DNMT1: variants seen among roughly 807,000 people sequenced by gnomAD.
DNMT1 encodes the protein DNA methyltransferase 1.
DNMT1 carries 24 observed loss-of-function variants against 205.3 expected under a neutral mutation model. The ratio of observed to expected loss-of-function variants is 0.12; its 90% CI spans 0.08 to 0.16. The LOEUF (loss-of-function observed/expected upper bound fraction) is 0.16, where lower values mean the gene tolerates loss of function less well. Ranked by LOEUF, DNMT1 falls within the 10% of genes least tolerant of loss-of-function variation. DNMT1 has a pLI of 1.00. For missense variants in DNMT1, 1,293 were observed against 2,177.7 expected (o/e 0.59, Z 8.09); for synonymous variants, 817 against 839.8 (o/e 0.97, Z 0.47).
At chr19:10,189,442 CAG>C (rs1447927578) in intron 1 of DNMT1, among the ~76,000 whole-genome samples, 13 of 142,690 alleles carry the variant, frequency 9.1e-5, no homozygotes, top group Admixed American at 4.3e-4. Context: ...TTTTTTGAGA[CAG>C]AGTCTCACTC....
intron 9 of DNMT1, among the ~76,000 whole-genome samples, chr19:10,172,596 G>C (rs2038845359): frequency 6.6e-6 from 1 of 152,000 alleles, no homozygotes; most frequent in Non-Finnish European, 1.5e-5. Flanking sequence ...GGCTGAGGCA[G>C]GTGGATCACT....
At chr19:10,165,045 C>T (rs1483186726) in intron 11 of DNMT1, among the ~76,000 whole-genome samples, 1 of 146,994 alleles carries the variant, frequency 6.8e-6, no homozygotes. Context: ...GTGGATAACT[C>T]GAGTCTAGGA....
At position 10,156,057 on chromosome 19, in the gene DNMT1, A is replaced by T; in HGVS notation, c.1400-112T>A. ...CCATCAGCCAGGTCGGGTGCTCCTC[A>T]GTCATCACAATGACTTGGCCTACAG... On this transcript the variant is annotated intron_variant, in intron 18 of 40. Transcript: ENST00000359526. This position sits in a 1 kb window ranked among gnomAD's most constrained non-coding sequence, Gnocchi z 4.2. 9.1e-7 allele frequency: 1 copy of T among 1,100,836 alleles called. No individual in the cohort carries two copies. Among genetic ancestry groups the T allele is most frequent in the Admixed American group, 2.0e-5 (1 of 49,522 alleles). 68.2% of individuals were successfully genotyped at this position (1,100,836 alleles called of 1,614,324 possible).
intron 10 of DNMT1, among the ~76,000 whole-genome samples, chr19:10,167,355 C>CCAGCTA (rs1312498151): frequency 1.3e-5 from 2 of 151,990 alleles, no homozygotes; most frequent in Non-Finnish European, 2.9e-5. Flanking sequence ...ACCACCACAC[C>CCAGCTA]CAGCTAATTT....
chr19:10,181,974 C>A (rs904042665), intron 2 of DNMT1, 67 bp downstream of exon 2: 1 of 1,427,524 alleles, frequency 7.0e-7, no homozygotes, highest in Non-Finnish European at 9.8e-7. Context: ...AAACAAATTT[C>A]TTTTTATGAG....
chr19:10,162,553 C>T (rs1381303102), intron 13 of DNMT1, 114 bp downstream of exon 13: 14 of 1,100,780 alleles, frequency 1.3e-5, no homozygotes, highest in East Asian at 2.6e-5. Flanking sequence ...TACAGGCGTG[C>T]GCCACCACGC....
At chr19:10,162,964 C>CA in intron 12 of DNMT1, 1 of 352,828 alleles carries the variant, frequency 2.8e-6, no homozygotes, top group East Asian at 5.4e-5. Flanking sequence ...CTAGAACAGG[C>CA]TTTTTTTTTT....
chr19:10,139,459 G>A (rs1388889013), intron 34 of DNMT1, among the ~76,000 whole-genome samples: 2 of 152,250 alleles, frequency 1.3e-5, no homozygotes, highest in African/African-American at 2.4e-5. Flanking sequence ...GCATGTTCGA[G>A]AACACAGCTC....
chr19:10,147,467 C>T (rs1422072406), intron 27 of DNMT1, among the ~76,000 whole-genome samples: 12 of 151,738 alleles, frequency 7.9e-5, no homozygotes, highest in Non-Finnish European at 1.2e-4. Flanking sequence ...AAAAATTAGC[C>T]GGGCATGGTG....
chr19:10,155,984 C>T, intron 18 of DNMT1, 39 bp from the exon 19 acceptor site: 1 of 1,598,064 alleles, frequency 6.3e-7, no homozygotes, highest in Non-Finnish European at 8.5e-7. Context: ...GGCTCTGACT[C>T]ACATCCCAAA....
rs552215824 is a variant in DNMT1 at position 10,139,898 on chromosome 19, C to T, written c.3807-81G>A. The T allele has an allele frequency of 1.3e-5, 21 of 1,563,870 alleles. No individual in the cohort carries two copies. The Admixed American group carries it at 1.9e-4, about 14-fold the overall frequency. ...GACCCACTGTGCCGGAAGCCCCTCA[C>T]GAATGTTATCAAAGTCTCTCCCTGG... On this transcript the variant is annotated intron_variant, in intron 33 of 40. Coordinates refer to ENST00000359526, the MANE Select transcript of DNMT1 (RefSeq NM_001130823.3).
intron 1 of DNMT1, among the ~76,000 whole-genome samples, chr19:10,194,378 C>T (rs954315524): frequency 6.6e-6 from 1 of 151,600 alleles, no homozygotes; most frequent in African/African-American, 2.4e-5. Context: ...CACAGAAGCG[C>T]CCCCGGGGAC....
chr19:10,138,610 G>T lies in DNMT1; in HGVS notation c.3949-5C>A, dbSNP rs773047717. The T allele has an allele frequency of 1.4e-5, 22 of 1,601,082 alleles. No homozygotes were observed. The highest frequency in any genetic ancestry group is 6.6e-5 in the South Asian group (6 of 90,980). On this transcript the variant is annotated splice_polypyrimidine_tract_variant and splice_region_variant and intron_variant, in intron 34 of 40. Coordinates refer to ENST00000359526, the MANE Select transcript of DNMT1 (RefSeq NM_001130823.3). The surrounding 1 kb of genome is among the most constrained non-coding windows in gnomAD (Gnocchi z 4.1). ...GGCCACGCCGTACTGACCGGCCTGTGGGGGAGAAGGACGGACAACCCCACC... is the reference window on the plus strand; with the variant it reads ...GGCCACGCCGTACTGACCGGCCTGTTGGGGAGAAGGACGGACAACCCCACC...
At chr19:10,136,006 G>A in intron 38 of DNMT1, 115 bp downstream of exon 38, 2 of 1,527,138 alleles carry the variant, frequency 1.3e-6, no homozygotes, top group South Asian at 2.4e-5. Flanking sequence ...GCAGAGGCCA[G>A]GTGCCTGGGG....
At chr19:10,186,285 C>G (rs997856885) in intron 1 of DNMT1, among the ~76,000 whole-genome samples, 3 of 152,192 alleles carry the variant, frequency 2.0e-5, no homozygotes, top group African/African-American at 7.2e-5. Context: ...CTGGATTTAA[C>G]CTGCCTGGCC....
Position 10,136,105 on chromosome 19 carries a change from C to G in DNMT1, c.4656+16G>C. On this transcript the variant is annotated intron_variant, in intron 38 of 40. Transcript: ENST00000359526. ...AGGGCCTGACCCAGGCCCTCGGATG[C>G]CCCCTCCCCACCTACCTGCTTGCCC... is the stretch of plus-strand genomic sequence containing the variant. The G allele has an allele frequency of 6.2e-7, 1 of 1,613,824 alleles. No homozygotes were observed.
At chr19:10,148,140 TA>T (rs1423118036) in intron 27 of DNMT1, among the ~76,000 whole-genome samples, 2 of 104,378 alleles carry the variant, frequency 1.9e-5, no homozygotes, top group Non-Finnish European at 4.0e-5. Flanking sequence ...AAAAAAAAAT[TA>T]AAAAAATAAT....
chr19:10,172,795 G>C (rs2038849332), intron 9 of DNMT1, among the ~76,000 whole-genome samples: 1 of 151,890 alleles, frequency 6.6e-6, no homozygotes, highest in African/African-American at 2.4e-5. Flanking sequence ...TTCCAGCCTG[G>C]GTGACAGAGT....
At chr19:10,166,055 A>G (rs1285737457) in intron 11 of DNMT1, among the ~76,000 whole-genome samples, 1 of 152,006 alleles carries the variant, frequency 6.6e-6, no homozygotes, top group African/African-American at 2.4e-5. Flanking sequence ...CCCACCGATG[A>G]CCTAGCTCCC....
Sources: allele counts gnomAD v4.1 joint callset (sites outside exome capture counted in the v4.1 genomes callset), GRCh38; gene constraint gnomAD v4.1.1; non-coding constraint Gnocchi (gnomAD v3.1); transcripts MANE v1.5; gene names NCBI Gene and HGNC (gene_info 2026-07-23, HGNC 2026-07-21).